LRMDA: variants seen among roughly 807,000 people sequenced by gnomAD.
LRMDA encodes the protein leucine rich melanocyte differentiation associated.
Under a neutral mutation model 29.8 loss-of-function variants are expected in LRMDA, and 18 were observed. The ratio of observed to expected loss-of-function variants is 0.60; its 90% CI spans 0.42 to 0.90. The LOEUF is 0.90. LRMDA is among the 40% of genes least tolerant of loss of function. LRMDA has a pLI of 0.00. For missense variants in LRMDA, 273 were observed against 273.9 expected (o/e 1.00, Z 0.02); for synonymous variants, 125 against 109.4 (o/e 1.14, Z -0.89).
At chr10:76,556,768 C>T (rs911768080) in intron 6 of LRMDA, among the ~76,000 whole-genome samples, 1 of 152,150 alleles carries the variant, frequency 6.6e-6, no homozygotes, top group African/African-American at 2.4e-5. Flanking sequence ...AACATTGCTT[C>T]ATGATAAAGG....
chr10:76,361,096 A>G (rs550514011), intron 6 of LRMDA, among the ~76,000 whole-genome samples: 2 of 152,146 alleles, frequency 1.3e-5, no homozygotes, highest in Admixed American at 1.3e-4. Context: ...CCCCGTCTCT[A>G]CTGAAAATAT....
chr10:75,770,720 GA>G (rs1006157353), intron 2 of LRMDA, among the ~76,000 whole-genome samples: 5 of 152,240 alleles, frequency 3.3e-5, no homozygotes, highest in Admixed American at 3.3e-4. Context: ...ATGGGTGGGT[GA>G]AGTGAGGCTG....
At chr10:76,052,301 A>T (rs1307262162) in intron 4 of LRMDA, among the ~76,000 whole-genome samples, 2 of 152,232 alleles carry the variant, frequency 1.3e-5, no homozygotes, top group Non-Finnish European at 2.9e-5. Flanking sequence ...TTCCCTCAAG[A>T]ATTGGAAACT....
chr10:76,160,335 A>G (rs1042934503), intron 5 of LRMDA, among the ~76,000 whole-genome samples: 1 of 151,994 alleles, frequency 6.6e-6, no homozygotes, highest in East Asian at 1.9e-4. Context: ...AAAGTTCTTA[A>G]TGTAAAAAAA....
At chr10:76,246,605 T>A (rs1042455595) in intron 5 of LRMDA, among the ~76,000 whole-genome samples, 4 of 152,178 alleles carry the variant, frequency 2.6e-5, no homozygotes, top group African/African-American at 9.7e-5. Context: ...TCTGAGAGTG[T>A]TAGGTCCTGC....
intron 6 of LRMDA, among the ~76,000 whole-genome samples, chr10:76,334,461 C>T (rs915248081): frequency 2.0e-5 from 3 of 152,098 alleles, no homozygotes; most frequent in African/African-American, 4.8e-5. Context: ...AATGGCCTGT[C>T]GGTGAGCTCA....
At chr10:75,862,001 C>A (rs1844938788) in intron 2 of LRMDA, among the ~76,000 whole-genome samples, 1 of 152,102 alleles carries the variant, frequency 6.6e-6, no homozygotes, top group Non-Finnish European at 1.5e-5. Flanking sequence ...ATAAGTGAAG[C>A]CATCTTGGAC....
chr10:76,148,098 G>C (rs1374527146), intron 5 of LRMDA, among the ~76,000 whole-genome samples: 1 of 152,176 alleles, frequency 6.6e-6, no homozygotes, highest in African/African-American at 2.4e-5. Flanking sequence ...TGCCCCTACT[G>C]GGGGGTGCCT....
At chr10:76,468,160 G>C (rs974846243) in intron 6 of LRMDA, among the ~76,000 whole-genome samples, 9 of 152,074 alleles carry the variant, frequency 5.9e-5, no homozygotes, top group Non-Finnish European at 8.8e-5. Flanking sequence ...TAAATTACTC[G>C]CCTCTTATCT....
chr10:76,263,559 C>T (rs547307943), intron 5 of LRMDA, among the ~76,000 whole-genome samples: 13 of 152,268 alleles, frequency 8.5e-5, no homozygotes, highest in African/African-American at 2.9e-4. Context: ...TAACTCATCT[C>T]ACATAGTTAC....
intron 5 of LRMDA, among the ~76,000 whole-genome samples, chr10:76,132,806 CT>C (rs1850017281): frequency 6.7e-6 from 1 of 148,598 alleles, no homozygotes; most frequent in African/African-American, 2.6e-5. Context: ...CAAGCACCTT[CT>C]TTTTTGGCGG....
rs575547442 is a variant in LRMDA, at chr10:75,672,697, G to A, written c.131+234203G>A. 5.3e-4 allele frequency among the ~76,000 whole-genome samples: 77 copies of A among 144,930 alleles called. 1 individual carries two copies. The South Asian group carries it at 0.01, about 19-fold the overall frequency. On this transcript the variant is annotated intron_variant, in intron 2 of 6. Transcript: ENST00000611255. ...TGGTTCGAGCGATTTTCCCACCTCC[G>A]TCTCCCAACTAGCTGGGACTACAGG...
chr10:75,923,870 C>A (rs1846071013), intron 2 of LRMDA, among the ~76,000 whole-genome samples: 1 of 152,050 alleles, frequency 6.6e-6, no homozygotes, highest in South Asian at 2.1e-4. Flanking sequence ...CTCACTACGG[C>A]CTAGGACCAG....
chr10:75,806,952 C>T (rs1396593224), intron 2 of LRMDA, among the ~76,000 whole-genome samples: 2 of 152,062 alleles, frequency 1.3e-5, no homozygotes, highest in African/African-American at 2.4e-5. Flanking sequence ...AGGTACTTCC[C>T]GCTGGCAGAG....
At chr10:76,488,020 T>C (rs1420162666) in intron 6 of LRMDA, among the ~76,000 whole-genome samples, 3 of 151,670 alleles carry the variant, frequency 2.0e-5, no homozygotes, top group Non-Finnish European at 4.4e-5. Context: ...CATGATTTAG[T>C]TCTCATTTTT....
intron 2 of LRMDA, among the ~76,000 whole-genome samples, chr10:75,930,981 A>G (rs1201471907): frequency 6.6e-6 from 1 of 152,208 alleles, no homozygotes; most frequent in Non-Finnish European, 1.5e-5. Flanking sequence ...CAGATAGACT[A>G]CAAAGTATTG....
At position 75,991,170 on chromosome 10, in the gene LRMDA, T is replaced by G. The variant is rs574333662; in HGVS notation, c.132-44838T>G. ...ATTGGAAAATACATATACATATGTA[T>G]GTACATATACACACATATAGAGATA... On this transcript the variant is annotated intron_variant, in intron 2 of 6. Transcript: ENST00000611255. Among the ~76,000 whole-genome samples the G allele has an allele frequency of 1.9e-3, 293 of 152,310 alleles. 3 individuals carry two copies. Among genetic ancestry groups the G allele is most frequent in the African/African-American group, 6.9e-3 (288 of 41,564 alleles).
chr10:75,908,526 G>T (rs918790835), intron 2 of LRMDA, among the ~76,000 whole-genome samples: 1 of 152,264 alleles, frequency 6.6e-6, no homozygotes, highest in East Asian at 1.9e-4. Context: ...TGGGAGGAAG[G>T]GTTTAGGGAC....
chr10:76,261,068 T>TTC (rs1839936272), intron 5 of LRMDA, among the ~76,000 whole-genome samples: 1 of 142,288 alleles, frequency 7.0e-6, no homozygotes, highest in East Asian at 2.3e-4. Context: ...TCTTTTCTTT[T>TTC]TTTTTTTTTT....
Sources: allele counts gnomAD v4.1 joint callset (sites outside exome capture counted in the v4.1 genomes callset), GRCh38; gene constraint gnomAD v4.1.1; transcripts MANE v1.5; gene names NCBI Gene and HGNC (gene_info 2026-07-23, HGNC 2026-07-21).